Variants in IL4I1 observed in about 807,000 individuals in gnomAD.
The protein encoded by IL4I1 is L-amino-acid oxidase.
In IL4I1, 24 loss-of-function variants were observed where a neutral mutation model predicts 29.7. The ratio of observed to expected loss-of-function variants is 0.81; its 90% CI spans 0.59 to 1.14. IL4I1 has a LOEUF of 1.14. IL4I1 is among the 50% of genes most tolerant of loss of function. The pLI is 0.00. For missense variants in IL4I1, 686 were observed against 785.6 expected (o/e 0.87, Z 1.52); for synonymous variants, 371 against 352.5 (o/e 1.05, Z -0.59).
chr19:49,908,219 G>A, intron 2 of IL4I1: 1 of 1,611,250 alleles, frequency 6.2e-7, no homozygotes, highest in Non-Finnish European at 8.5e-7. Context: ...GGGACCTGCG[G>A]GCCCCAGGGC....
chr19:49,894,200 CG>C (rs1284004597), intron 5 of IL4I1, 67 bp downstream of exon 5: 3 of 1,483,178 alleles, frequency 2.0e-6, no homozygotes, highest in Non-Finnish European at 2.8e-6. Context: ...GAAGAAAAGC[CG>C]GGCCGGGGCG....
chr19:49,925,449 C>CAA (rs56199048), intron 2 of IL4I1, among the ~76,000 whole-genome samples: 11 of 132,852 alleles, frequency 8.3e-5, no homozygotes, highest in South Asian at 2.3e-4. Flanking sequence ...TAAAAAAAGC[C>CAA]AAAAAAAAAA....
At chr19:49,890,707 G>GCTCCCCCGTCATCCACCT (rs2075123614) in intron 7 of IL4I1, 107 bp from the exon 8 acceptor site, 1 of 834,884 alleles carries the variant, frequency 1.2e-6, no homozygotes, top group African/African-American at 2.4e-5. Flanking sequence ...GCACCGGCCC[G>GCTCCCCCGTCATCCACCT]CTCCCCCGTC....
chr19:49,908,160 C>T lies in IL4I1; in HGVS notation c.-227-3839G>A, dbSNP rs186001015. On this transcript the variant is annotated intron_variant, in intron 2 of 9. Transcript: ENST00000341114. ...AAACAAACAAACAAGTATCTTGCCACAACCCCAAACTACAGACAACAGGGC... is the reference window on the plus strand; with the variant it reads ...AAACAAACAAACAAGTATCTTGCCATAACCCCAAACTACAGACAACAGGGC... The T allele has an allele frequency of 1.5e-5, 23 of 1,563,250 alleles. No homozygotes were observed. In the Admixed American group the frequency reaches 4.3e-4, roughly 29 times the overall value.
At position 49,921,583 on chromosome 19, in the gene IL4I1, GGAA is replaced by G. The variant is rs2075766386; in HGVS notation, c.-228+6108_-228+6110del. 6.6e-6 allele frequency among the ~76,000 whole-genome samples: 1 copy of G among 152,228 alleles called. No individual in the cohort carries two copies. The highest frequency in any genetic ancestry group is 2.4e-5 in the African/African-American group (1 of 41,454). On this transcript the variant is annotated intron_variant, in intron 2 of 9. Transcript: ENST00000341114. The surrounding 1 kb of genome is among the most constrained non-coding windows in gnomAD (Gnocchi z 5.4). ...TACGTTCCTGCTCTGTGGTAGGTCAGGAAGAAGAGGGCAAAGGAGTCTGCATCA... is the reference window on the plus strand; with the variant it reads ...TACGTTCCTGCTCTGTGGTAGGTCAGGAAGAGGGCAAAGGAGTCTGCATCA...
Position 49,891,026 on chromosome 19 carries a change from A to G in IL4I1, c.718T>C (p.Tyr240His), listed in dbSNP as rs2075131415. 6.2e-7 allele frequency: 1 copy of G among 1,607,458 alleles called. No individual in the cohort carries two copies. The highest frequency in any genetic ancestry group is 8.5e-7 in the Non-Finnish European group (1 of 1,177,766). Residue 240 changes from tyrosine (Y) to histidine (H), a missense_variant, in exon 7 of 8, where the codon TAT becomes CAT. By Grantham distance (83) the Tyr-to-His change is moderately conservative. Coordinates refer to ENST00000391826, the MANE Select transcript of IL4I1 (RefSeq NM_152899.2). ...CGGAGGGCCTCGGCGAAGCTGAGAT[A>G]GAAGAAGCCATCCTCGGACATCACG... ...GDVMSEDGFF[Y>H]LSFAEALRAH... is the part of the protein sequence containing the mutation.
intron 2 of IL4I1, among the ~76,000 whole-genome samples, chr19:49,913,397 A>G (rs2075531019): frequency 6.6e-6 from 1 of 152,094 alleles, no homozygotes; most frequent in Admixed American, 6.5e-5. Context: ...AGGCCACTCT[A>G]GAGAGTCCAT....
intron 2 of IL4I1, among the ~76,000 whole-genome samples, chr19:49,913,749 G>C (rs752204142): frequency 1.3e-5 from 2 of 152,204 alleles, no homozygotes; most frequent in Non-Finnish European, 2.9e-5. Context: ...AGCTCTGTGA[G>C]TCTTAGCTCA....
chr19:49,890,714 C>T, intron 7 of IL4I1, 114 bp from the exon 8 acceptor site: 1 of 996,456 alleles, frequency 1.0e-6, no homozygotes. Context: ...CCCGCTCCCC[C>T]GTCATCCACC....
chr19:49,896,748 C>T, intron 1 of IL4I1, 87 bp downstream of exon 1: 5 of 862,950 alleles, frequency 5.8e-6, no homozygotes, highest in Non-Finnish European at 7.0e-6. Context: ...TTCCCTCTTC[C>T]TCATCTCCCC....
Position 49,894,586 on chromosome 19 carries a change from G to T in IL4I1, c.366-117C>A, listed in dbSNP as rs1233064414. On this transcript the variant is annotated intron_variant, in intron 4 of 7. Transcript: ENST00000391826. ...GTAGCTGGGGACCAGCATGAGGCTG[G>T]GGGTGGGGCTAGATTTGGGGTAATC... 1.4e-5 allele frequency: 10 copies of T among 706,088 alleles called. No homozygotes were observed. The African/African-American group carries it at 1.8e-4, about 13-fold the overall frequency. 43.7% of individuals were successfully genotyped at this position (706,088 alleles called of 1,614,324 possible).
chr19:49,901,179 C>G (rs575808619), upstream of IL4I1, among the ~76,000 whole-genome samples: 1 of 152,092 alleles, frequency 6.6e-6, no homozygotes, highest in Non-Finnish European at 1.5e-5. Flanking sequence ...ATCAGGAGTT[C>G]GAGACCAGCC....
chr19:49,902,362 T>TC (rs981058754), intron 3 of IL4I1, among the ~76,000 whole-genome samples: 3 of 149,258 alleles, frequency 2.0e-5, no homozygotes, highest in African/African-American at 7.4e-5. Flanking sequence ...GCCATTTCTT[T>TC]TTTTTTTTTT....
At chr19:49,925,423 T>TC (rs919228817) in intron 2 of IL4I1, among the ~76,000 whole-genome samples, 1 of 111,416 alleles carries the variant, frequency 9.0e-6, no homozygotes, top group Non-Finnish European at 1.8e-5. Context: ...AGTAAGACCC[T>TC]CCCCCCCATC....
At chr19:49,914,635 TGAGAACCAGGG>T (rs2075571149) in intron 2 of IL4I1, among the ~76,000 whole-genome samples, 1 of 150,710 alleles carries the variant, frequency 6.6e-6, no homozygotes, top group African/African-American at 2.4e-5. Flanking sequence ...CCCCCATCTG[TGAGAACCAGGG>T]TTCTTTGCTG....
At chr19:49,918,353 C>G (rs974219511) in intron 2 of IL4I1, among the ~76,000 whole-genome samples, 4 of 152,168 alleles carry the variant, frequency 2.6e-5, no homozygotes, top group African/African-American at 9.7e-5. Context: ...GCACGAGCCA[C>G]CACGTCCAGC....
intron 2 of IL4I1, among the ~76,000 whole-genome samples, chr19:49,919,997 G>A (rs540272573): frequency 1.3e-5 from 2 of 151,618 alleles, no homozygotes; most frequent in Admixed American, 6.6e-5. Context: ...GTGCAATCAC[G>A]CTCATAGCCT....
intron 2 of IL4I1, among the ~76,000 whole-genome samples, chr19:49,919,556 T>C (rs945691548): frequency 2.4e-4 from 37 of 152,160 alleles, no homozygotes; most frequent in African/African-American, 8.9e-4. Context: ...AGTAGCTAAA[T>C]GATTTGTGGA....
intron 2 of IL4I1, chr19:49,909,003 T>C: frequency 6.2e-7 from 1 of 1,612,332 alleles, no homozygotes; most frequent in African/African-American, 1.3e-5. Flanking sequence ...GATGTTGTTG[T>C]GGAGGTGCCG....
Sources: allele counts gnomAD v4.1 joint callset (sites outside exome capture counted in the v4.1 genomes callset), GRCh38; gene constraint gnomAD v4.1.1; non-coding constraint Gnocchi (gnomAD v3.1); transcripts MANE v1.5; gene names NCBI Gene and HGNC (gene_info 2026-07-23, HGNC 2026-07-21).